The following RORB variants were observed in gnomAD, a reference collection of about 807,000 sequenced individuals.
RORB encodes the protein RAR related orphan receptor B, also known as nuclear receptor ROR-beta.
RORB carries 6 observed loss-of-function variants against 59.1 expected under a neutral mutation model. The observed-to-expected ratio is 0.10, with a 90% CI of 0.06 to 0.20. The LOEUF is 0.20. Ranked by LOEUF, RORB falls within the 10% of genes least tolerant of loss-of-function variation. The probability of loss-of-function intolerance (pLI) is 1.00; values close to 1 mark genes in which losing one functional copy is unlikely to be tolerated. For missense variants in RORB, 320 were observed against 560.5 expected (o/e 0.57, Z 4.33); for synonymous variants, 215 against 204.5 (o/e 1.05, Z -0.44).
intron 1 of RORB, among the ~76,000 whole-genome samples, chr9:74,602,837 A>G (rs1160910926): frequency 6.6e-6 from 1 of 152,232 alleles, no homozygotes; most frequent in Non-Finnish European, 1.5e-5. Context: ...ATTTAAATAT[A>G]AAGTATTATT....
chr9:74,540,902 A>G (rs1330293795), intron 1 of RORB, among the ~76,000 whole-genome samples: 1 of 152,188 alleles, frequency 6.6e-6, no homozygotes, highest in East Asian at 1.9e-4. Context: ...TGCTCTCTGT[A>G]GTTTCCAAAT....
chr9:74,589,759 C>A (rs759646118), intron 1 of RORB, among the ~76,000 whole-genome samples: 1 of 152,198 alleles, frequency 6.6e-6, no homozygotes, highest in African/African-American at 2.4e-5. Context: ...TCTGGCCTCG[C>A]TTGTTCTGTA....
At chr9:74,607,760 G>A (rs1253548315) in intron 1 of RORB, among the ~76,000 whole-genome samples, 2 of 152,106 alleles carry the variant, frequency 1.3e-5, no homozygotes, top group African/African-American at 4.8e-5. Context: ...TACGACTTGG[G>A]AAGTAAAGTG....
At chr9:74,527,692 C>A (rs971058838) in intron 1 of RORB, among the ~76,000 whole-genome samples, 2 of 152,020 alleles carry the variant, frequency 1.3e-5, no homozygotes, top group Non-Finnish European at 2.9e-5. Flanking sequence ...TCAAAGATTT[C>A]CAAGTCTGAT....
At chr9:74,659,331 G>T (rs1313960442) in intron 4 of RORB, among the ~76,000 whole-genome samples, 1 of 152,190 alleles carries the variant, frequency 6.6e-6, no homozygotes, top group African/African-American at 2.4e-5. Context: ...GAGAAATGGG[G>T]TTGGCCATTT....
chr9:74,583,575 T>C (rs2078420081), intron 1 of RORB, among the ~76,000 whole-genome samples: 1 of 151,772 alleles, frequency 6.6e-6, no homozygotes, highest in South Asian at 2.1e-4. Flanking sequence ...GCCAAATGAT[T>C]GTTTTGTCCA....
chr9:74,562,555 G>C (rs1822410394), intron 1 of RORB, among the ~76,000 whole-genome samples: 2 of 152,170 alleles, frequency 1.3e-5, no homozygotes, highest in African/African-American at 4.8e-5. Flanking sequence ...TCTTAGACCT[G>C]ATGTACTAGG....
intron 9 of RORB, among the ~76,000 whole-genome samples, chr9:74,674,244 T>C (rs980635340): frequency 8.5e-5 from 13 of 152,222 alleles, no homozygotes; most frequent in African/African-American, 3.1e-4. Flanking sequence ...ATTGTAGTCA[T>C]GGAGCTCTTC....
chr9:74,594,121 C>T (rs17690812), intron 1 of RORB, among the ~76,000 whole-genome samples: 47,250 of 152,138 alleles, frequency 0.31, 7,514 homozygotes, highest in Non-Finnish European at 0.35. Context: ...ATGGCTGAGA[C>T]TTCAGTATGT....
At chr9:74,583,007 C>T (rs1822747024) in intron 1 of RORB, among the ~76,000 whole-genome samples, 1 of 152,056 alleles carries the variant, frequency 6.6e-6, no homozygotes, top group African/African-American at 2.4e-5. Flanking sequence ...ATCATATGTC[C>T]TACAGGCCCT....
intron 1 of RORB, among the ~76,000 whole-genome samples, chr9:74,536,294 AGAG>A (rs1045504810): frequency 5.3e-5 from 8 of 151,984 alleles, no homozygotes; most frequent in Non-Finnish European, 1.0e-4. Flanking sequence ...ATGCTGAAGA[AGAG>A]GAGGAGGGGA....
intron 1 of RORB, among the ~76,000 whole-genome samples, chr9:74,617,950 T>G (rs1823340240): frequency 6.6e-6 from 1 of 152,218 alleles, no homozygotes. Context: ...AATTCTATAA[T>G]TTCCTTTTAT....
intron 4 of RORB, among the ~76,000 whole-genome samples, chr9:74,646,607 T>A (rs1175775406): frequency 6.6e-6 from 1 of 152,136 alleles, no homozygotes; most frequent in Non-Finnish European, 1.5e-5. Context: ...AAGAAACCAT[T>A]TCATTGTACA....
chr9:74,679,172 G>A (rs1478631178), intron 9 of RORB, among the ~76,000 whole-genome samples: 1 of 151,984 alleles, frequency 6.6e-6, no homozygotes, highest in Non-Finnish European at 1.5e-5. Flanking sequence ...AGCACAGTCT[G>A]ACTAATCAGC....
intron 9 of RORB, among the ~76,000 whole-genome samples, chr9:74,678,887 C>T (rs1399302973): frequency 2.6e-5 from 4 of 151,896 alleles, no homozygotes; most frequent in Non-Finnish European, 5.9e-5. Flanking sequence ...CAAAAATTGT[C>T]CCGGCATGGT....
At chr9:74,575,207 C>A (rs867362790) in intron 1 of RORB, among the ~76,000 whole-genome samples, 5 of 152,020 alleles carry the variant, frequency 3.3e-5, no homozygotes. Context: ...TTTAAAATTA[C>A]CCGGTATTAC....
chr9:74,650,658 T>A (rs905862445), intron 4 of RORB, among the ~76,000 whole-genome samples: 2 of 152,182 alleles, frequency 1.3e-5, no homozygotes, highest in Non-Finnish European at 2.9e-5. Flanking sequence ...GCTATTTAAA[T>A]TTGAGGCATG....
chr9:74,557,165 T>G (rs1331098387), intron 1 of RORB, among the ~76,000 whole-genome samples: 1 of 152,162 alleles, frequency 6.6e-6, no homozygotes, highest in Non-Finnish European at 1.5e-5. Flanking sequence ...TGAATCAAGG[T>G]GACCTCTTCC....
intron 9 of RORB, among the ~76,000 whole-genome samples, chr9:74,676,333 A>G (rs1328529714): frequency 1.3e-5 from 2 of 152,242 alleles, no homozygotes; most frequent in Non-Finnish European, 2.9e-5. Context: ...GTTCTTGCCC[A>G]AAGCTGTATT....
Sources: gnomAD v4.1 joint callset for allele counts (sites outside exome capture counted in the v4.1 genomes callset) on GRCh38, gnomAD v4.1.1 for gene constraint, MANE v1.5 for transcripts, NCBI Gene and HGNC (gene_info 2026-07-23, HGNC 2026-07-21) for gene names.